The following AKAP8L variants were observed in gnomAD, a reference collection of about 807,000 sequenced individuals.
The protein encoded by AKAP8L is A-kinase anchoring protein 8 like.
Under a neutral mutation model 77.5 loss-of-function variants are expected in AKAP8L, and 34 were observed. The ratio of observed to expected loss-of-function variants is 0.44; its 90% CI spans 0.33 to 0.58. The LOEUF (loss-of-function observed/expected upper bound fraction) is 0.58. Among genes scored for constraint, AKAP8L ranks in the 20% least tolerant of loss-of-function variants. The pLI is 0.02. For missense variants in AKAP8L, 806 were observed against 887.6 expected, an observed-to-expected ratio of 0.91 and a Z score of 1.17; for synonymous variants, 342 against 340.7, an observed-to-expected ratio of 1.00 and a Z score of -0.04.
At chr19:15,393,184 A>C (rs1967699903) in intron 12 of AKAP8L, among the ~76,000 whole-genome samples, 1 of 152,076 alleles carries the variant, frequency 6.6e-6, no homozygotes, top group South Asian at 2.1e-4. Flanking sequence ...GATATAAATA[A>C]ATTAACTCAA....
In AKAP8L at chr19:15,399,314, C is replaced by A. The variant is rs769991175; in HGVS notation, c.1145G>T (p.Arg382Leu). ...GGAAGCTGGTTACCTTTCCACCATG[C>A]GGTCTCGCTGCCGCTTTTTCTGCTT... ...QDKQKKRQRD[R>L]MVERIQFVCS... is the part of the protein sequence containing the mutation. The change falls in exon 9 of 14, where the codon CGC becomes CTC. Residue 382 changes from arginine to leucine, a missense_variant. Transcript: ENST00000397410. The surrounding 1 kb of genome is among the most constrained non-coding windows in gnomAD (Gnocchi z 6.1). 3.7e-6 allele frequency: 6 copies of A among 1,613,608 alleles called. No individual in the cohort carries two copies. Among genetic ancestry groups the A allele is most frequent in the Non-Finnish European group, 5.1e-6 (6 of 1,179,648 alleles).
intron 12 of AKAP8L, among the ~76,000 whole-genome samples, chr19:15,396,012 T>C (rs1336420251): frequency 7.4e-6 from 1 of 134,510 alleles, no homozygotes; most frequent in Non-Finnish European, 1.6e-5. Flanking sequence ...AGAATCTGTT[T>C]TTGGCAAGTT....
intron 2 of AKAP8L, among the ~76,000 whole-genome samples, chr19:15,409,051 C>T (rs1206859340): frequency 6.6e-6 from 1 of 152,018 alleles, no homozygotes; most frequent in African/African-American, 2.4e-5. Context: ...AAACCCACAA[C>T]TAAAACACCT....
Position 15,380,533 on chromosome 19 carries a change from A to G in AKAP8L, c.1616T>C (p.Leu539Pro). The change falls in exon 13 of 14, where the codon CTG becomes CCG. Residue 539 changes from leucine to proline, a missense_variant. By Grantham distance (98) the Leu-to-Pro change is moderately conservative. Around this residue, in one of 2 missense-constraint regions of AKAP8L, gnomAD observed 226 missense variants for 193.5 expected, o/e 1.17. Coordinates refer to ENST00000397410, the MANE Select transcript of AKAP8L (RefSeq NM_014371.4). ...ILNNKLISKK[L>P]ERYLKGENPF... ...GTGCCTCACCTTCAGGTAGCGCTCC[A>G]GCTTCTTGCTGATGAGCTTGTTGTT... 3.7e-6 allele frequency: 6 copies of G among 1,613,946 alleles called. No homozygotes were observed. Among genetic ancestry groups the G allele is most frequent in the Non-Finnish European group, 5.1e-6 (6 of 1,179,884 alleles).
chr19:15,400,162 G>T, intron 8 of AKAP8L, 133 bp downstream of exon 8: 2 of 873,728 alleles, frequency 2.3e-6, no homozygotes, highest in Non-Finnish European at 3.7e-6. Context: ...CCCCCTGCCA[G>T]CACACACTCG....
Position 15,380,329 on chromosome 19 carries a change from G to A in AKAP8L, c.1734C>T (p.Ile578=). ...DEGAQGEAAG[I]SEGAEGVPAQ... ...CCGGCACGCCCTCTGCGCCCTCCGA[G>A]ATCCCTGCCGCTTCGCCCTGCGCCC... is the stretch of plus-strand genomic sequence containing the variant. Residue 578 remains isoleucine, a synonymous_variant, in exon 14 of 14, where the codon ATC becomes ATT. Transcript: ENST00000397410. The A allele has an allele frequency of 6.5e-7, 1 of 1,540,346 alleles. No individual in the cohort carries two copies. The highest frequency in any genetic ancestry group is 8.7e-7 in the Non-Finnish European group (1 of 1,147,904).
rs982974502 is a variant in AKAP8L at position 15,411,561 on chromosome 19, C to T, written c.14-967G>A. Among the ~76,000 whole-genome samples the T allele has an allele frequency of 4.6e-5, 7 of 152,158 alleles. 1 individual carries two copies. In the South Asian group the frequency reaches 1.0e-3, roughly 23 times the overall value. ...GTCACTTGAGCCCAGAAGGTCAAGGCTGCAGTGAGCTATGATTGCGCCACT... is the reference window on the plus strand; with the variant it reads ...GTCACTTGAGCCCAGAAGGTCAAGGTTGCAGTGAGCTATGATTGCGCCACT... On this transcript the variant is annotated intron_variant, in intron 1 of 13. Transcript: ENST00000397410.
intron 2 of AKAP8L, among the ~76,000 whole-genome samples, chr19:15,409,451 TG>T (rs1373692007): frequency 2.0e-5 from 3 of 152,242 alleles, no homozygotes; most frequent in African/African-American, 7.2e-5. Flanking sequence ...TCCCTTTTCC[TG>T]GGACTAGCTG....
chr19:15,398,657 C>A lies in AKAP8L; in HGVS notation c.1157+645G>T, dbSNP rs1276118325. ...CTGCCGGACGTCCTTATCTGGGCCA[C>A]GGGGTCAGCTTTGTCTGGAGAGCCC... is the stretch of plus-strand genomic sequence containing the variant. On this transcript the variant is annotated intron_variant, in intron 9 of 13. Coordinates refer to ENST00000397410, the MANE Select transcript of AKAP8L (RefSeq NM_014371.4). This position sits in a 1 kb window ranked among gnomAD's most constrained non-coding sequence, Gnocchi z 9.2. 7.1e-6 allele frequency: 7 copies of A among 986,830 alleles called. No individual in the cohort carries two copies. Among genetic ancestry groups the A allele is most frequent in the African/African-American group, 3.5e-5 (2 of 57,238 alleles). 61.1% of individuals were successfully genotyped at this position (986,830 alleles called of 1,614,324 possible). A position where few individuals can be genotyped will look rare whatever the true frequency, so the allele number is the denominator to read the frequency against.
At chr19:15,387,272 C>G (rs1967558676) in intron 12 of AKAP8L, among the ~76,000 whole-genome samples, 1 of 152,186 alleles carries the variant, frequency 6.6e-6, no homozygotes, top group South Asian at 2.1e-4. Context: ...TCCCCAGAGC[C>G]TTGGCTCAGA....
In AKAP8L at chr19:15,392,501, AT is replaced by A. The variant is rs1967683482; in HGVS notation, c.1536+4648del. On this transcript the variant is annotated intron_variant, in intron 12 of 13. Coordinates refer to ENST00000397410, the MANE Select transcript of AKAP8L (RefSeq NM_014371.4). ...AACAGAGTGAGACCCTATTTCAAGAATAAAAAAAAAAAGTATTTTTATACAC... is the reference window on the plus strand; with the variant it reads ...AACAGAGTGAGACCCTATTTCAAGAAAAAAAAAAAAAGTATTTTTATACAC... Among the ~76,000 whole-genome samples the A allele has an allele frequency of 2.0e-5, 3 of 152,056 alleles. No individual in the cohort carries two copies. The South Asian group carries it at 6.2e-4, about 31-fold the overall frequency.
Position 15,403,899 on chromosome 19 carries a change from A to G in AKAP8L, c.121+111T>C. The G allele has an allele frequency of 1.5e-6, 2 of 1,346,982 alleles. No individual in the cohort carries two copies. The highest frequency in any genetic ancestry group is 2.3e-5 in the East Asian group (1 of 43,376). 83.4% of individuals were successfully genotyped at this position (1,346,982 alleles called of 1,614,324 possible). A position where few individuals can be genotyped will look rare whatever the true frequency, so the allele number is the denominator to read the frequency against. ...CTCCTGTTAAGGAGTAGGTAACCCC[A>G]GAAACATGCCCCCTCCCCACTCCCA... is the stretch of plus-strand genomic sequence containing the variant. On this transcript the variant is annotated intron_variant, in intron 3 of 13. Coordinates refer to ENST00000397410, the MANE Select transcript of AKAP8L (RefSeq NM_014371.4). The surrounding 1 kb of genome is among the most constrained non-coding windows in gnomAD (Gnocchi z 4.3).
chr19:15,380,367 C>A lies in AKAP8L; in HGVS notation c.1696G>T (p.Ala566Ser), dbSNP rs775633249. 1 of 1,564,566 alleles carries A rather than the reference C, an allele frequency of 6.4e-7. No homozygotes were observed. The highest frequency in any genetic ancestry group is 8.6e-7 in the Non-Finnish European group (1 of 1,158,406). ...TCGCCCTGCGCCCCCTCGTCCAGGGCACCGCCCTCAGCCTCCTCCTGCTCC... is the reference window on the plus strand; with the variant it reads ...TCGCCCTGCGCCCCCTCGTCCAGGGAACCGCCCTCAGCCTCCTCCTGCTCC... ...EKEQEEAEGG[A>S]LDEGAQGEAA... is the part of the protein sequence containing the mutation. The change falls in exon 14 of 14, where the codon GCC becomes TCC. Residue 566 changes from alanine (A) to serine (S), a missense_variant. Ala to Ser is a moderately conservative substitution (Grantham distance 99). Coordinates refer to ENST00000397410, the MANE Select transcript of AKAP8L (RefSeq NM_014371.4).
chr19:15,417,357 T>C (rs1408591052), intron 1 of AKAP8L, among the ~76,000 whole-genome samples: 1 of 152,206 alleles, frequency 6.6e-6, no homozygotes, highest in Non-Finnish European at 1.5e-5. Context: ...CTAGGAAAGC[T>C]ACAGAAAGGC....
At chr19:15,418,028 C>T (rs1204547332) in intron 1 of AKAP8L, among the ~76,000 whole-genome samples, 1 of 152,258 alleles carries the variant, frequency 6.6e-6, no homozygotes, top group Admixed American at 6.5e-5. Context: ...CAGGCAGTTC[C>T]TGCCCGTAAG....
chr19:15,413,284 T>C (rs994959157), intron 1 of AKAP8L, among the ~76,000 whole-genome samples: 2 of 152,232 alleles, frequency 1.3e-5, no homozygotes, highest in African/African-American at 2.4e-5. Context: ...GTAAGGACAT[T>C]TATAATCTTT....
chr19:15,401,780 A>G lies in AKAP8L; in HGVS notation c.363-177T>C, dbSNP rs750162479. Among the ~76,000 whole-genome samples, 8 of 152,236 alleles carry G rather than the reference A, an allele frequency of 5.3e-5. No individual in the cohort carries two copies. The highest frequency in any genetic ancestry group is 1.9e-4 in the African/African-American group (8 of 41,466). ...GCCTCTCAGCTGATATAGGGGCACC[A>G]CTGCCCCAAACTTGAATGTAGCCAC... On this transcript the variant is annotated intron_variant, in intron 4 of 13. Coordinates refer to ENST00000397410, the MANE Select transcript of AKAP8L (RefSeq NM_014371.4). This position sits in a 1 kb window ranked among gnomAD's most constrained non-coding sequence, Gnocchi z 6.2.
chr19:15,412,427 G>C (rs1396741256), intron 1 of AKAP8L, among the ~76,000 whole-genome samples: 1 of 151,632 alleles, frequency 6.6e-6, no homozygotes, highest in African/African-American at 2.4e-5. Flanking sequence ...TTAGTGCCAA[G>C]TAAGGAAAAC....
In AKAP8L at chr19:15,401,526, C is replaced by T. The variant is rs753702287; in HGVS notation, c.440G>A (p.Ser147Asn). 6.8e-6 allele frequency: 11 copies of T among 1,613,682 alleles called. No individual in the cohort carries two copies. In the South Asian group the frequency reaches 9.9e-5, roughly 14 times the overall value. ...CATTTCCATCTCAGGGTCAAGCTCGCTGTAGTCATAGCCTGACCGGTACAG... is the reference window on the plus strand; with the variant it reads ...CATTTCCATCTCAGGGTCAAGCTCGTTGTAGTCATAGCCTGACCGGTACAG... ...RDLYRSGYDY[S>N]ELDPEMEMAY... The change falls in exon 5 of 14, where the codon AGC becomes AAC. Residue 147 changes from serine to asparagine, a missense_variant. By Grantham distance (46) the Ser-to-Asn change is conservative (BLOSUM62 1). Transcript: ENST00000397410. This position sits in a 1 kb window ranked among gnomAD's most constrained non-coding sequence, Gnocchi z 6.2.
Sources: allele counts gnomAD v4.1 joint callset (sites outside exome capture counted in the v4.1 genomes callset), GRCh38; gene constraint gnomAD v4.1.1; regional missense constraint gnomAD v4.1.1; non-coding constraint Gnocchi (gnomAD v3.1); transcripts MANE v1.5; gene names NCBI Gene and HGNC (gene_info 2026-07-23, HGNC 2026-07-21).